Variants in PTPRD observed in about 807,000 individuals in gnomAD.
PTPRD encodes protein tyrosine phosphatase receptor type D.
Under a neutral mutation model 214.5 loss-of-function variants are expected in PTPRD, and 34 were observed. The observed-to-expected ratio is 0.16, with a 90% CI of 0.12 to 0.21. The LOEUF (loss-of-function observed/expected upper bound fraction) is 0.21, where lower values mean the gene tolerates loss of function less well. Ranked by LOEUF, PTPRD falls within the 10% of genes least tolerant of loss-of-function variation. The pLI, the probability that PTPRD is intolerant of heterozygous loss-of-function variation, is 1.00. For synonymous variants in PTPRD, 1,128 were observed against 845.7 expected, an observed-to-expected ratio of 1.33 and a Z score of -5.79; for missense variants, 2,545 against 2,398.7, an observed-to-expected ratio of 1.06 and a Z score of -1.27.
intron 14 of PTPRD, among the ~76,000 whole-genome samples, chr9:8,547,497 G>T (rs1012984199): frequency 1.3e-5 from 2 of 152,030 alleles, no homozygotes; most frequent in Non-Finnish European, 2.9e-5. Context: ...ACAAAAATTA[G>T]CCTGGTGTGG....
intron 3 of PTPRD, among the ~76,000 whole-genome samples, chr9:10,176,979 G>A (rs1258123776): frequency 6.6e-6 from 1 of 151,822 alleles, no homozygotes; most frequent in Non-Finnish European, 1.5e-5. Context: ...TGTTGTTGAT[G>A]TTTGTTTCAT....
intron 3 of PTPRD, among the ~76,000 whole-genome samples, chr9:10,051,009 T>A (rs1380981861): frequency 6.6e-6 from 1 of 152,140 alleles, no homozygotes; most frequent in Non-Finnish European, 1.5e-5. Flanking sequence ...TATTATCCCA[T>A]GCTATGCTAA....
chr9:9,228,660 G>T (rs1474072961), intron 9 of PTPRD, among the ~76,000 whole-genome samples: 1 of 151,892 alleles, frequency 6.6e-6, no homozygotes, highest in Non-Finnish European at 1.5e-5. Flanking sequence ...TTCTGTTCCT[G>T]CATTTGTAAA....
chr9:8,563,824 G>C (rs1246602522), intron 14 of PTPRD, among the ~76,000 whole-genome samples: 5 of 152,174 alleles, frequency 3.3e-5, no homozygotes, highest in African/African-American at 9.6e-5. Flanking sequence ...ATCACACTCA[G>C]TTCTAAGTTT....
intron 2 of PTPRD, among the ~76,000 whole-genome samples, chr9:10,520,575 A>C (rs2051850224): frequency 6.6e-6 from 1 of 152,200 alleles, no homozygotes; most frequent in South Asian, 2.1e-4. Context: ...ATTAAGAAGA[A>C]ACAGACTTCT....
In PTPRD at chr9:9,528,324, T is replaced by C. The variant is rs62533258; in HGVS notation, c.-237+46408A>G. ...CTGTCAGAGGGCTGGGAATAATTCA[T>C]GTTTCTACCTGTGACAGTAGAAAGG... is the stretch of plus-strand genomic sequence containing the variant. On this transcript the variant is annotated intron_variant, in intron 8 of 45. Coordinates refer to ENST00000381196, the MANE Select transcript of PTPRD (RefSeq NM_002839.4). 5.7e-3 allele frequency among the ~76,000 whole-genome samples: 867 copies of C among 152,278 alleles called. 9 individuals carry two copies. Among genetic ancestry groups the C allele is most frequent in the East Asian group, 0.031 (163 of 5,182 alleles).
At chr9:9,275,118 ATTAT>A (rs1944732076) in intron 9 of PTPRD, among the ~76,000 whole-genome samples, 1 of 53,448 alleles carries the variant, frequency 1.9e-5, no homozygotes, top group Non-Finnish European at 3.3e-5. Flanking sequence ...TTATATATAT[ATTAT>A]ATATATTATA....
chr9:9,495,772 C>A (rs1038108425), intron 8 of PTPRD, among the ~76,000 whole-genome samples: 11 of 152,206 alleles, frequency 7.2e-5, no homozygotes, highest in Admixed American at 3.9e-4. Context: ...CCATTGAGTG[C>A]AGGTACCCAA....
chr9:10,100,275 T>C (rs912466529), intron 3 of PTPRD, among the ~76,000 whole-genome samples: 1 of 151,672 alleles, frequency 6.6e-6, no homozygotes, highest in African/African-American at 2.4e-5. Context: ...TCTCATTTAA[T>C]AGTTAGAACA....
chr9:9,785,694 T>C (rs2098917840), intron 5 of PTPRD, among the ~76,000 whole-genome samples: 1 of 152,132 alleles, frequency 6.6e-6, no homozygotes, highest in African/African-American at 2.4e-5. Context: ...AAAAGAATAT[T>C]TGTTGAAAAA....
intron 2 of PTPRD, among the ~76,000 whole-genome samples, chr9:10,604,812 T>C (rs915537631): frequency 6.6e-6 from 1 of 151,886 alleles, no homozygotes; most frequent in African/African-American, 2.4e-5. Flanking sequence ...AATAGGAAAT[T>C]ACAAATGGGA....
At position 8,840,021 on chromosome 9, in the gene PTPRD, G is replaced by A. The variant is rs142303862; in HGVS notation, c.-103-106075C>T. ...AGGATTATGAGCAAAAGGACTATAA[G>A]CAACATATTTTTCCTGTTTCTAAAT... On this transcript the variant is annotated intron_variant, in intron 11 of 45. Transcript: ENST00000381196. Among the ~76,000 whole-genome samples the A allele has an allele frequency of 1.2e-3, 186 of 152,262 alleles. 1 individual carries two copies. In the East Asian group the frequency reaches 0.018, roughly 15 times the overall value.
intron 2 of PTPRD, among the ~76,000 whole-genome samples, chr9:10,461,870 C>T (rs906622640): frequency 6.6e-6 from 1 of 152,054 alleles, no homozygotes; most frequent in Non-Finnish European, 1.5e-5. Context: ...AATCCGCCCG[C>T]CCCAGCCTCC....
chr9:9,572,194 A>C (rs985765742), intron 8 of PTPRD, among the ~76,000 whole-genome samples: 7 of 151,456 alleles, frequency 4.6e-5, no homozygotes, highest in African/African-American at 1.7e-4. Context: ...TAAATATTTC[A>C]CAACTAGCTC....
At chr9:8,796,864 G>C (rs908205665) in intron 11 of PTPRD, among the ~76,000 whole-genome samples, 4 of 152,012 alleles carry the variant, frequency 2.6e-5, no homozygotes, top group African/African-American at 9.7e-5. Flanking sequence ...GAACTTGAAA[G>C]AGCTTTCTAA....
At chr9:10,438,134 A>C (rs1273601140) in intron 2 of PTPRD, among the ~76,000 whole-genome samples, 1 of 150,860 alleles carries the variant, frequency 6.6e-6, no homozygotes, top group East Asian at 2.0e-4. Flanking sequence ...AATATTCAGC[A>C]CAGGTGGTCC....
intron 3 of PTPRD, among the ~76,000 whole-genome samples, chr9:10,106,890 G>A (rs2098638661): frequency 6.6e-6 from 1 of 151,908 alleles, no homozygotes; most frequent in Non-Finnish European, 1.5e-5. Flanking sequence ...GAAAGCTACT[G>A]CCAAAGTTTG....
chr9:8,564,522 G>A (rs745717895), intron 14 of PTPRD, among the ~76,000 whole-genome samples: 29 of 152,088 alleles, frequency 1.9e-4, no homozygotes, highest in Non-Finnish European at 3.7e-4. Flanking sequence ...CCAACATGGT[G>A]AAACCCTATC....
chr9:9,710,430 G>T (rs2097704092), intron 7 of PTPRD, among the ~76,000 whole-genome samples: 1 of 151,948 alleles, frequency 6.6e-6, no homozygotes, highest in South Asian at 2.1e-4. Flanking sequence ...ATTTAGGCCT[G>T]CAGTAACAAA....
Sources: allele counts gnomAD v4.1 joint callset (sites outside exome capture counted in the v4.1 genomes callset), GRCh38; gene constraint gnomAD v4.1.1; transcripts MANE v1.5; gene names NCBI Gene and HGNC (gene_info 2026-07-23, HGNC 2026-07-21).